The following LRPPRC variants were observed in gnomAD, a reference collection of about 807,000 sequenced individuals.
LRPPRC encodes the protein leucine-rich PPR motif-containing protein, mitochondrial.
Under a neutral mutation model 180.3 loss-of-function variants are expected in LRPPRC, and 120 were observed. The observed-to-expected ratio is 0.67, with a 90% CI of 0.57 to 0.77. The LOEUF is 0.77. LRPPRC is among the 30% of genes least tolerant of loss of function. The pLI is 0.00. For synonymous variants in LRPPRC, 723 were observed against 600.0 expected, an observed-to-expected ratio of 1.21 and a Z score of -3.00; for missense variants, 2,012 against 1,657.2, an observed-to-expected ratio of 1.21 and a Z score of -3.72.
At position 43,957,445 on chromosome 2, in the gene LRPPRC, G is replaced by A. The variant is rs775735922; in HGVS notation, c.1589C>T (p.Ser530Leu). Residue 530 changes from serine to leucine, a missense_variant, in exon 14 of 38, where the codon TCA becomes TTA. Coordinates refer to ENST00000260665, the MANE Select transcript of LRPPRC (RefSeq NM_133259.4). ...NLDFVLSFLK[S>L]NTLPISLQSI... ...CTGCAGCGAGATGGGCAATGTATTT[G>A]ATTTCACTGCAAAAGAAAATGACCA... 1.3e-5 allele frequency: 21 copies of A among 1,611,140 alleles called. No individual in the cohort carries two copies. Among genetic ancestry groups the A allele is most frequent in the Admixed American group, 1.7e-5 (1 of 59,990 alleles).
At chr2:43,968,186 C>T (rs946111142) in intron 11 of LRPPRC, among the ~76,000 whole-genome samples, 5 of 152,032 alleles carry the variant, frequency 3.3e-5, no homozygotes, top group Admixed American at 3.3e-4. Flanking sequence ...AGCAAGTTGT[C>T]GCATGTTTCT....
intron 12 of LRPPRC, among the ~76,000 whole-genome samples, chr2:43,961,197 G>A (rs1387936172): frequency 6.6e-6 from 1 of 151,976 alleles, no homozygotes; most frequent in Non-Finnish European, 1.5e-5. Context: ...TATATTTTGT[G>A]GAATTAAATA....
chr2:43,912,367 T>C (rs946946954), intron 30 of LRPPRC, 65 bp downstream of exon 30: 2 of 1,430,972 alleles, frequency 1.4e-6, no homozygotes, highest in African/African-American at 2.8e-5. Context: ...CTATTATAAT[T>C]ATTGGCTAAT....
chr2:43,993,994 CTGA>C (rs1674904817), intron 1 of LRPPRC, among the ~76,000 whole-genome samples: 1 of 152,058 alleles, frequency 6.6e-6, no homozygotes. Context: ...GAACCCAGGT[CTGA>C]TGAACACCGA....
In LRPPRC at chr2:43,896,638, C is replaced by T. The variant is rs1670697064; in HGVS notation, c.3896G>A (p.Gly1299Glu). 6.2e-7 allele frequency: 1 copy of T among 1,604,130 alleles called. No homozygotes were observed. Residue 1299 changes from glycine (G) to glutamate (E), a missense_variant, in exon 35 of 38, where the codon GGA (glycine) becomes GAA (glutamate). By Grantham distance (98) the Gly-to-Glu change is moderately conservative. Coordinates refer to ENST00000260665, the MANE Select transcript of LRPPRC (RefSeq NM_133259.4). ...TAAGCAGGTAAAGCACAGTACCTTTCCTTGTTTCCTAGAATTCCTAAGGAG... is the reference window on the plus strand; with the variant it reads ...TAAGCAGGTAAAGCACAGTACCTTTTCTTGTTTCCTAGAATTCCTAAGGAG... ...LFLLRNSRKQ[G>E]KASTVKSVLE...
intron 11 of LRPPRC, among the ~76,000 whole-genome samples, chr2:43,970,768 G>A (rs578107539): frequency 6.6e-6 from 1 of 152,216 alleles, no homozygotes; most frequent in African/African-American, 2.4e-5. Flanking sequence ...CTCTAGCCAC[G>A]GCACTCACTT....
rs778201653 is a variant in LRPPRC, at chr2:43,912,565, G to A, written c.3149-7C>T. On this transcript the variant is annotated splice_region_variant and splice_polypyrimidine_tract_variant and intron_variant, in intron 29 of 37. Transcript: ENST00000260665. ...AGGAAAATATCATATGCCCCTATGA[G>A]AGAAAACAGACAAAAAAAATGAGAT... 1.9e-6 allele frequency: 3 copies of A among 1,606,330 alleles called. No homozygotes were observed. Among genetic ancestry groups the A allele is most frequent in the Non-Finnish European group, 2.6e-6 (3 of 1,173,684 alleles).
rs776821061 is a variant in LRPPRC, at chr2:43,918,048, G to A, written c.3125C>T (p.Ala1042Val). 6.2e-6 allele frequency: 10 copies of A among 1,612,452 alleles called. No individual in the cohort carries two copies. Among genetic ancestry groups the A allele is most frequent in the Middle Eastern group, 1.7e-4 (1 of 6,058 alleles). Reference protein sequence around the residue: ...EPDFQKDILIACRLNQKKGAY... With the variant: ...EPDFQKDILIVCRLNQKKGAY... ...GCCTTTTTTTTGGTTCAATCGGCAG[G>A]CAATCAATATATCTTTCTGGAAATC... Residue 1042 changes from alanine to valine, a missense_variant, in exon 29 of 38, where the codon GCC becomes GTC. Coordinates refer to ENST00000260665, the MANE Select transcript of LRPPRC (RefSeq NM_133259.4).
In LRPPRC at chr2:43,948,479, A is replaced by G. The variant is rs531400418; in HGVS notation, c.1775T>C (p.Met592Thr). 2 of 1,611,548 alleles carry G rather than the reference A, an allele frequency of 1.2e-6. No individual in the cohort carries two copies. Among genetic ancestry groups the G allele is most frequent in the East Asian group, 4.5e-5 (2 of 44,866 alleles). The change falls in exon 17 of 38, where the codon ATG (methionine) becomes ACG (threonine). Residue 592 changes from methionine to threonine, a missense_variant. Transcript: ENST00000260665. ...CTTGGCCTGTACCTCTGAGTCACTC[A>G]TGCTGTCAATCAAGTTATAAAGAAA... ...GYFLYNLIDS[M>T]SDSEVQAKEE...
intron 1 of LRPPRC, among the ~76,000 whole-genome samples, chr2:43,991,331 C>T (rs939578021): frequency 2.6e-5 from 4 of 151,942 alleles, no homozygotes; most frequent in Middle Eastern, 3.4e-3. Flanking sequence ...AGTACCCAGC[C>T]GGACCCATCA....
At chr2:43,927,186 C>G (rs1044499300) in intron 25 of LRPPRC, among the ~76,000 whole-genome samples, 2 of 152,236 alleles carry the variant, frequency 1.3e-5, no homozygotes, top group East Asian at 3.8e-4. Flanking sequence ...CCTGGCTGCT[C>G]CAGTCTAGAG....
At chr2:43,910,439 T>C (rs1184853300) in intron 30 of LRPPRC, among the ~76,000 whole-genome samples, 1 of 152,158 alleles carries the variant, frequency 6.6e-6, no homozygotes, top group African/African-American at 2.4e-5. Context: ...TTCACCATGT[T>C]GGCCAGGCTG....
chr2:43,982,243 C>T lies in LRPPRC; in HGVS notation c.341G>A (p.Arg114His), dbSNP rs763753043. The change falls in exon 2 of 38, where the codon CGC (arginine) becomes CAC (histidine). Residue 114 changes from arginine to histidine, a missense_variant. Transcript: ENST00000260665. ...AACAGGAAATTTTGAAATACCTGAG[C>T]GGCAGGTATCATTAAAAACTTTTTG... ...LLQKVFNDTCRSGGLGGSHAL... is the reference protein window; with the variant it reads ...LLQKVFNDTCHSGGLGGSHAL... 1.2e-5 allele frequency: 19 copies of T among 1,564,312 alleles called. No individual in the cohort carries two copies. Among genetic ancestry groups the T allele is most frequent in the Non-Finnish European group, 1.4e-5 (16 of 1,157,910 alleles).
chr2:43,934,686 A>C (rs893604178), intron 24 of LRPPRC, 68 bp downstream of exon 24: 19 of 1,425,902 alleles, frequency 1.3e-5, no homozygotes, highest in Non-Finnish European at 1.9e-5. Flanking sequence ...TTCTCTTAAC[A>C]ATACACTAAG....
chr2:43,926,038 C>A (rs1328285398), intron 25 of LRPPRC, 77 bp from the exon 26 acceptor site: 2 of 859,364 alleles, frequency 2.3e-6, no homozygotes, highest in Middle Eastern at 2.2e-4. Flanking sequence ...AAGACAGTTT[C>A]TTTTCTTATG....
intron 1 of LRPPRC, among the ~76,000 whole-genome samples, chr2:43,987,873 C>G (rs1313363558): frequency 3.9e-5 from 6 of 152,074 alleles, no homozygotes; most frequent in Non-Finnish European, 8.8e-5. Flanking sequence ...AAGGCACTGG[C>G]TAGAATATTC....
chr2:43,925,815 A>G, intron 26 of LRPPRC, 78 bp downstream of exon 26: 4 of 940,932 alleles, frequency 4.3e-6, no homozygotes, highest in Middle Eastern at 2.1e-4. Flanking sequence ...GAAGTCCCCA[A>G]ATCTTCATGT....
Position 43,934,659 on chromosome 2 carries a change from G to T in LRPPRC, c.2629+95C>A, listed in dbSNP as rs895194917. 5.8e-6 allele frequency: 6 copies of T among 1,041,154 alleles called. No individual in the cohort carries two copies. In the African/African-American group the frequency reaches 6.4e-5, roughly 11 times the overall value. The allele number at this position is 1,041,154 out of a possible 1,614,324, so 64.5% of individuals were successfully genotyped here. A position where few individuals can be genotyped will look rare whatever the true frequency, so the allele number is the denominator to read the frequency against. ...GTATAAAGAAAGTTTATCTGAATGTGCTGGCCTTCTGCTGGTTTCTCTTAA... is the reference window on the plus strand; with the variant it reads ...GTATAAAGAAAGTTTATCTGAATGTTCTGGCCTTCTGCTGGTTTCTCTTAA... On this transcript the variant is annotated intron_variant, in intron 24 of 37. Coordinates refer to ENST00000260665, the MANE Select transcript of LRPPRC (RefSeq NM_133259.4).
chr2:43,900,340 A>T (rs370331166), intron 32 of LRPPRC, among the ~76,000 whole-genome samples: 1 of 152,150 alleles, frequency 6.6e-6, no homozygotes, highest in Non-Finnish European at 1.5e-5. Flanking sequence ...TACTAAATCC[A>T]ATCAGTCAAT....
Sources: allele counts gnomAD v4.1 joint callset (sites outside exome capture counted in the v4.1 genomes callset), GRCh38; gene constraint gnomAD v4.1.1; transcripts MANE v1.5; gene names NCBI Gene and HGNC (gene_info 2026-07-23, HGNC 2026-07-21).